The following AHDC1 variants were observed in gnomAD, a reference collection of about 807,000 sequenced individuals.
The protein encoded by AHDC1 is AT-hook DNA binding motif containing 1, also known as transcription factor Gibbin.
AHDC1 carries 7 observed loss-of-function variants against 87.9 expected under a neutral mutation model. The ratio of observed to expected loss-of-function variants is 0.08; its 90% CI spans 0.05 to 0.15. The LOEUF (loss-of-function observed/expected upper bound fraction) is 0.15, where lower values mean the gene tolerates loss of function less well. Ranked by LOEUF, AHDC1 falls within the 10% of genes least tolerant of loss-of-function variation. The pLI is 1.00. For missense variants in AHDC1, 1,841 were observed against 2,253.2 expected (o/e 0.82, Z 3.70); for synonymous variants, 1,051 against 1,006.8 (o/e 1.04, Z -0.83).
chr1:27,591,975 G>A (rs1197925296), intron 3 of AHDC1, among the ~76,000 whole-genome samples: 3 of 152,146 alleles, frequency 2.0e-5, no homozygotes, highest in East Asian at 1.9e-4. Flanking sequence ...AGGGATCCCC[G>A]ACCTGGCTGG....
intron 8 of AHDC1, among the ~76,000 whole-genome samples, chr1:27,542,290 G>A (rs753971076): frequency 7.2e-5 from 11 of 152,226 alleles, no homozygotes; most frequent in Non-Finnish European, 1.2e-4. Context: ...GGGTCCTCCA[G>A]GGAGGACTCG....
At position 27,560,200 on chromosome 1, in the gene AHDC1, T is replaced by TTTTG. The variant is rs1553161360; in HGVS notation, c.-628-1318_-628-1317insCAAA. Among the ~76,000 whole-genome samples, 246 of 148,522 alleles carry TTTTG rather than the reference T, an allele frequency of 1.7e-3. No individual in the cohort carries two copies. The highest frequency in any genetic ancestry group is 5.4e-3 in the African/African-American group (218 of 40,468). On this transcript the variant is annotated intron_variant, in intron 3 of 8. Coordinates refer to ENST00000673934, the MANE Select transcript of AHDC1 (RefSeq NM_001371928.1). The surrounding 1 kb of genome is among the most constrained non-coding windows in gnomAD (Gnocchi z 4.1). ...CTTTTCACGTTTATTTCTATTCGTT[T>TTTTG]TGTGTGTGTGTGTGTGTGTGTGTGA...
At chr1:27,537,158 G>A (rs1199784780) in intron 8 of AHDC1, among the ~76,000 whole-genome samples, 1 of 152,214 alleles carries the variant, frequency 6.6e-6, no homozygotes, top group African/African-American at 2.4e-5. Context: ...TCTCATGGAG[G>A]TGGGGGAGAA....
At chr1:27,573,301 A>G (rs1464060335) in intron 3 of AHDC1, among the ~76,000 whole-genome samples, 1 of 152,080 alleles carries the variant, frequency 6.6e-6, no homozygotes, top group African/African-American at 2.4e-5. Context: ...GAAGGAAACC[A>G]AGGCCCAGAG....
Position 27,558,863 on chromosome 1 carries a change from G to A in AHDC1, c.-608C>T, listed in dbSNP as rs1007000969. 3 of 398,546 alleles carry A rather than the reference G, an allele frequency of 7.5e-6. No homozygotes were observed. Among genetic ancestry groups the A allele is most frequent in the Non-Finnish European group, 1.3e-5 (3 of 226,114 alleles). The allele number at this position is 398,546 out of a possible 1,614,324, so 24.7% of individuals were successfully genotyped here. ...GCTCTGGGGTCCAGGCCGATGGGTT[G>A]ACAATCAGGCAAGCTCCCATCTGTG... On this transcript the variant is annotated 5_prime_UTR_variant, in exon 4 of 9. Transcript: ENST00000673934. This position sits in a 1 kb window ranked among gnomAD's most constrained non-coding sequence, Gnocchi z 5.6.
At chr1:27,566,948 G>A (rs1478502972) in intron 3 of AHDC1, among the ~76,000 whole-genome samples, 1 of 151,900 alleles carries the variant, frequency 6.6e-6, no homozygotes, top group Non-Finnish European at 1.5e-5. Context: ...GCAGGGTAAG[G>A]AAGAAGCCTC....
chr1:27,543,927 A>G (rs866688639), intron 8 of AHDC1, among the ~76,000 whole-genome samples: 1 of 151,886 alleles, frequency 6.6e-6, no homozygotes, highest in Non-Finnish European at 1.5e-5. Flanking sequence ...TCGGCGACAC[A>G]GTGAGGCTCC....
At chr1:27,581,252 C>T (rs992612275) in intron 3 of AHDC1, among the ~76,000 whole-genome samples, 1 of 152,184 alleles carries the variant, frequency 6.6e-6, no homozygotes, top group Non-Finnish European at 1.5e-5. Context: ...ACCTCAGCCT[C>T]CCAAGTAGCT....
chr1:27,594,209 C>G (rs958460687), intron 3 of AHDC1, among the ~76,000 whole-genome samples: 1 of 152,114 alleles, frequency 6.6e-6, no homozygotes, highest in Non-Finnish European at 1.5e-5. Flanking sequence ...GAACTGACTC[C>G]CAGGGAGACC....
At chr1:27,569,164 C>T (rs923552062) in intron 3 of AHDC1, among the ~76,000 whole-genome samples, 1 of 151,818 alleles carries the variant, frequency 6.6e-6, no homozygotes, top group East Asian at 1.9e-4. Context: ...TGGAAACTGT[C>T]TTCTCCCTCA....
chr1:27,574,279 A>G (rs1378058729), intron 3 of AHDC1, among the ~76,000 whole-genome samples: 2 of 152,198 alleles, frequency 1.3e-5, no homozygotes, highest in Non-Finnish European at 2.9e-5. Flanking sequence ...TGGGAAGTGA[A>G]ATCTCACAGG....
intron 3 of AHDC1, among the ~76,000 whole-genome samples, chr1:27,580,690 T>C (rs59900503): frequency 0.07 from 10,604 of 152,254 alleles, 915 homozygotes; most frequent in African/African-American, 0.21. Context: ...TTTAACAAGA[T>C]CATGAGGTAT....
At chr1:27,575,197 G>A (rs941197330) in intron 3 of AHDC1, among the ~76,000 whole-genome samples, 4 of 152,330 alleles carry the variant, frequency 2.6e-5, no homozygotes, top group East Asian at 3.9e-4. Flanking sequence ...CGCCTCTGGG[G>A]CTACCTGGCA....
Position 27,558,787 on chromosome 1 carries a change from C to T in AHDC1, c.-532G>A. The T allele has an allele frequency of 2.5e-6, 1 of 398,656 alleles. No individual in the cohort carries two copies. The highest frequency in any genetic ancestry group is 4.4e-6 in the Non-Finnish European group (1 of 226,102). The allele number at this position is 398,656 out of a possible 1,614,324, so 24.7% of individuals were successfully genotyped here. A position where few individuals can be genotyped will look rare whatever the true frequency, so the allele number is the denominator to read the frequency against. ...ATCTCCAGGGTGGTCTCTGCAACGG[C>T]CTGAGCGTCGCCCCGCACTCGGGGC... On this transcript the variant is annotated 5_prime_UTR_variant, in exon 4 of 9. Transcript: ENST00000673934. The surrounding 1 kb of genome is among the most constrained non-coding windows in gnomAD (Gnocchi z 5.6).
intron 3 of AHDC1, among the ~76,000 whole-genome samples, chr1:27,567,824 G>A (rs1299307533): frequency 6.6e-6 from 1 of 152,174 alleles, no homozygotes; most frequent in East Asian, 1.9e-4. Flanking sequence ...TGGGGTTCTC[G>A]TCCAGATTTG....
intron 3 of AHDC1, among the ~76,000 whole-genome samples, chr1:27,582,189 C>T (rs1256874287): frequency 6.6e-6 from 1 of 152,240 alleles, no homozygotes; most frequent in Non-Finnish European, 1.5e-5. Context: ...TTTCATCTAT[C>T]CTCTAGACTT....
chr1:27,550,593 T>G lies in AHDC1; in HGVS notation c.1523A>C (p.Glu508Ala). 1 of 1,613,790 alleles carries G rather than the reference T, an allele frequency of 6.2e-7. No individual in the cohort carries two copies. Among genetic ancestry groups the G allele is most frequent in the Non-Finnish European group, 8.5e-7 (1 of 1,180,040 alleles). Residue 508 changes from glutamate (E) to alanine (A), a missense_variant, in exon 8 of 9, where the codon GAG becomes GCG. Physicochemically the swap from Glu to Ala is moderately radical, Grantham distance 107 (BLOSUM62 -1). This residue lies in a region of AHDC1 where 18 missense variants were observed against 18.0 expected (regional missense o/e 1.00). Coordinates refer to ENST00000673934, the MANE Select transcript of AHDC1 (RefSeq NM_001371928.1). ...LSSSLSVEGK[E>A]LGLRVSAEPT... ...CTCAGCCGACACGCGCAGGCCCAGCTCCTTGCCCTCCACGCTCAGGCTGCT... is the reference window on the plus strand; with the variant it reads ...CTCAGCCGACACGCGCAGGCCCAGCGCCTTGCCCTCCACGCTCAGGCTGCT...
At chr1:27,582,837 A>G (rs2088944720) in intron 3 of AHDC1, among the ~76,000 whole-genome samples, 1 of 152,238 alleles carries the variant, frequency 6.6e-6, no homozygotes, top group African/African-American at 2.4e-5. Context: ...GTGGGACACA[A>G]CTTAGCTAGG....
In AHDC1 at chr1:27,549,807, C is replaced by T. The variant is rs1443493679; in HGVS notation, c.2309G>A (p.Gly770Glu). 4.3e-6 allele frequency: 7 copies of T among 1,613,632 alleles called. No individual in the cohort carries two copies. The highest frequency in any genetic ancestry group is 5.9e-6 in the Non-Finnish European group (7 of 1,179,950). Reference sequence around the variant, plus strand: ...AGGGGCCCAGCCACCACCCTTATCCCCGGCCCACTCAGCACCTGCCTCCCC... The same window carrying T: ...AGGGGCCCAGCCACCACCCTTATCCTCGGCCCACTCAGCACCTGCCTCCCC... ...GFGEAGAEWA[G>E]DKGGGWAPHH... Residue 770 changes from glycine to glutamate, a missense_variant, in exon 8 of 9, where the codon GGG becomes GAG. Coordinates refer to ENST00000673934, the MANE Select transcript of AHDC1 (RefSeq NM_001371928.1).
Sources: gnomAD v4.1 joint callset for allele counts (sites outside exome capture counted in the v4.1 genomes callset) on GRCh38, gnomAD v4.1.1 for gene constraint, gnomAD v4.1.1 regional missense constraint, Gnocchi (gnomAD v3.1) non-coding constraint, MANE v1.5 for transcripts, NCBI Gene and HGNC (gene_info 2026-07-23, HGNC 2026-07-21) for gene names.